Variants in PTPRN2 observed in about 807,000 individuals in gnomAD.
PTPRN2 encodes the protein protein tyrosine phosphatase receptor type N2.
Under a neutral mutation model 118.8 loss-of-function variants are expected in PTPRN2, and 74 were observed. That is an observed-to-expected ratio of 0.62 (90% CI 0.52 to 0.76). The LOEUF (loss-of-function observed/expected upper bound fraction) is 0.76, where lower values mean the gene tolerates loss of function less well. PTPRN2 is among the 30% of genes least tolerant of loss of function. The pLI is 0.00. For synonymous variants in PTPRN2, 641 were observed against 608.0 expected (o/e 1.05, Z -0.80); for missense variants, 1,481 against 1,394.4 (o/e 1.06, Z -0.99).
chr7:158,051,624 G>A (rs1048687061), intron 11 of PTPRN2, among the ~76,000 whole-genome samples: 3 of 152,340 alleles, frequency 2.0e-5, no homozygotes, highest in East Asian at 1.9e-4. Context: ...CCCGGCGAGC[G>A]CCCGCCACCT....
At chr7:158,191,852 C>T (rs902852430) in intron 5 of PTPRN2, among the ~76,000 whole-genome samples, 2 of 152,052 alleles carry the variant, frequency 1.3e-5, no homozygotes, top group African/African-American at 4.8e-5. Flanking sequence ...CCTGGGCTGC[C>T]CCCGGGGCAG....
chr7:158,080,301 A>G (rs1812696474), intron 11 of PTPRN2, among the ~76,000 whole-genome samples: 3 of 146,100 alleles, frequency 2.1e-5, no homozygotes, highest in African/African-American at 7.6e-5. Context: ...GGAAAAAAAG[A>G]CACAAATTTA....
chr7:157,943,793 G>A (rs574431163), intron 11 of PTPRN2, among the ~76,000 whole-genome samples: 13 of 152,236 alleles, frequency 8.5e-5, no homozygotes, highest in East Asian at 1.9e-4. Flanking sequence ...TGGAAGGCCC[G>A]GCTCAGCCTC....
In PTPRN2 at chr7:158,087,962, T is replaced by C. The variant is rs142815064; in HGVS notation, c.1644-6585A>G. 2.0e-3 allele frequency among the ~76,000 whole-genome samples: 152 copies of C among 75,690 alleles called. 2 individuals carry two copies. Among genetic ancestry groups the C allele is most frequent in the East Asian group, 4.2e-3 (6 of 1,438 alleles). 49.7% of individuals were successfully genotyped at this position (75,690 alleles called of 152,430 possible). On this transcript the variant is annotated intron_variant, in intron 10 of 22. Transcript: ENST00000389418. The stretch of plus-strand genomic sequence containing the variant: ...AGAGGGAGTCTTCACACAAACCTTC[T>C]TCCCCTGATGAAAGAGGGAGTCTTC...
intron 1 of PTPRN2, among the ~76,000 whole-genome samples, chr7:158,584,265 G>A (rs1407605120): frequency 6.6e-6 from 1 of 152,180 alleles, no homozygotes; most frequent in East Asian, 1.9e-4. Context: ...GGCCACCTGA[G>A]CAGGTTCACA....
At chr7:158,430,480 T>C (rs1041779864) in intron 2 of PTPRN2, among the ~76,000 whole-genome samples, 1 of 152,272 alleles carries the variant, frequency 6.6e-6, no homozygotes, top group African/African-American at 2.4e-5. Flanking sequence ...AGAAGCGCTC[T>C]GTGGTTTGCG....
At chr7:158,081,999 C>T (rs1368190938) in intron 10 of PTPRN2, among the ~76,000 whole-genome samples, 1 of 152,158 alleles carries the variant, frequency 6.6e-6, no homozygotes, top group East Asian at 1.9e-4. Context: ...GTGCCTACAG[C>T]CATCTCAAAA....
chr7:158,232,881 T>C (rs1829259243), intron 3 of PTPRN2, among the ~76,000 whole-genome samples: 1 of 152,204 alleles, frequency 6.6e-6, no homozygotes. Context: ...TCAACATCCC[T>C]TTATGATAAA....
rs529725865 is a variant in PTPRN2, at chr7:158,324,493, A to T, written c.164-7561T>A. On this transcript the variant is annotated intron_variant, in intron 2 of 22. Transcript: ENST00000389418. ...CACTTGGATGAAAGACTCACTGGGG[A>T]CCAAAAAGGCTGGTGGTGGGGGCAC... is the stretch of plus-strand genomic sequence containing the variant. 5.3e-4 allele frequency among the ~76,000 whole-genome samples: 19 copies of T among 35,812 alleles called. No homozygotes were observed. In the South Asian group the frequency reaches 0.034, roughly 63 times the overall value. The allele number at this position is 35,812 out of a possible 152,430, so 23.5% of individuals were successfully genotyped here.
chr7:158,360,060 GACGCACAGACCCCAC>G (rs1808750556), intron 2 of PTPRN2, among the ~76,000 whole-genome samples: 1 of 135,660 alleles, frequency 7.4e-6, no homozygotes, highest in Admixed American at 7.2e-5. Context: ...CACCCAGGAC[GACGCACAGACCCCAC>G]ATCCACCCTC....
chr7:157,973,384 A>G (rs1418591455), intron 11 of PTPRN2, among the ~76,000 whole-genome samples: 1 of 151,968 alleles, frequency 6.6e-6, no homozygotes, highest in Non-Finnish European at 1.5e-5. Context: ...GGGGGGAAAT[A>G]ACAGGGGGTA....
chr7:157,714,873 T>C (rs1798823499), intron 12 of PTPRN2, among the ~76,000 whole-genome samples: 1 of 151,054 alleles, frequency 6.6e-6, no homozygotes, highest in Non-Finnish European at 1.5e-5. Context: ...AGATTCTAGG[T>C]CTCCCGCTTT....
chr7:158,078,852 CTTTG>C (rs533579965), intron 11 of PTPRN2, among the ~76,000 whole-genome samples: 283 of 151,982 alleles, frequency 1.9e-3, no homozygotes, highest in African/African-American at 5.9e-3. Flanking sequence ...TTTTTTGTTT[CTTTG>C]TTTGTTTGTG....
intron 1 of PTPRN2, among the ~76,000 whole-genome samples, chr7:158,491,627 C>T (rs1333651691): frequency 6.6e-6 from 1 of 152,004 alleles, no homozygotes; most frequent in Admixed American, 6.6e-5. Context: ...GTGGCTGGGA[C>T]TACAGGCGTG....
At chr7:158,192,117 G>A (rs1204439346) in intron 5 of PTPRN2, among the ~76,000 whole-genome samples, 1 of 152,204 alleles carries the variant, frequency 6.6e-6, no homozygotes, top group African/African-American at 2.4e-5. Flanking sequence ...GCCTCACCCA[G>A]AGGACTAAGC....
At chr7:158,133,532 A>T in intron 9 of PTPRN2, 145 bp downstream of exon 9, 1 of 1,180,190 alleles carries the variant, frequency 8.5e-7, no homozygotes, top group Non-Finnish European at 1.1e-6. Flanking sequence ...CGCGCCTGAG[A>T]CTCCAGGGAT....
chr7:157,560,681 T>C lies in PTPRN2; in HGVS notation c.2902+8221A>G, dbSNP rs550816033. 1.7e-4 allele frequency among the ~76,000 whole-genome samples: 26 copies of C among 152,236 alleles called. No homozygotes were observed. Among genetic ancestry groups the C allele is most frequent in the Non-Finnish European group, 1.0e-4 (7 of 68,002 alleles). ...GCCCGACCGAAGGCAACTTCTCCCT[T>C]GAAGAGAAAGGTGCAGACAGGCTCC... On this transcript the variant is annotated intron_variant, in intron 21 of 22. Transcript: ENST00000389418. This position sits in a 1 kb window ranked among gnomAD's most constrained non-coding sequence, Gnocchi z 6.7.
At chr7:157,669,205 C>T (rs749217286) in intron 13 of PTPRN2, among the ~76,000 whole-genome samples, 4 of 152,190 alleles carry the variant, frequency 2.6e-5, no homozygotes, top group Admixed American at 6.5e-5. Flanking sequence ...GGCCCACGGC[C>T]GCCCCTGAAT....
chr7:158,073,417 C>T (rs1223810922), intron 11 of PTPRN2, among the ~76,000 whole-genome samples: 1 of 152,282 alleles, frequency 6.6e-6, no homozygotes, highest in Non-Finnish European at 1.5e-5. Context: ...GCCGCACTGG[C>T]CTCTCCCTGC....
Sources: gnomAD v4.1 joint callset for allele counts (sites outside exome capture counted in the v4.1 genomes callset) on GRCh38, gnomAD v4.1.1 for gene constraint, Gnocchi (gnomAD v3.1) non-coding constraint, MANE v1.5 for transcripts, NCBI Gene and HGNC (gene_info 2026-07-23, HGNC 2026-07-21) for gene names.